HMX1: variants seen among roughly 807,000 people sequenced by gnomAD.
HMX1 encodes the protein homeobox protein HMX1.
A neutral mutation model predicts 8.9 loss-of-function variants in HMX1; 8 were observed. The observed-to-expected ratio is 0.90, with a 90% confidence interval of 0.53 to 1.63. The LOEUF is 1.63. Ranked by LOEUF, HMX1 falls within the 40% of genes most tolerant of loss-of-function variation. HMX1 has a pLI of 0.00. For missense variants in HMX1, 621 were observed against 558.5 expected (o/e 1.11, Z -1.13); for synonymous variants, 311 against 283.4 (o/e 1.10, Z -0.98).
chr4:8,849,467 G>A lies in HMX1; in HGVS notation c.395-3143C>T, dbSNP rs1721376909. Among the ~76,000 whole-genome samples the A allele has an allele frequency of 6.6e-6, 1 of 152,052 alleles. No individual in the cohort carries two copies. Among genetic ancestry groups the A allele is most frequent in the Non-Finnish European group, 1.5e-5 (1 of 68,034 alleles). On this transcript the variant is annotated intron_variant, in intron 1 of 1. Transcript: ENST00000506970. This position sits in a 1 kb window ranked among gnomAD's most constrained non-coding sequence, Gnocchi z 6.6. ...CAGATGCCATCAGAAGCTGGAGGGG[G>A]CAGGAAGGGCTCTCCTCTAGAGCCT...
rs143850739 is a variant in HMX1 at position 8,847,870 on chromosome 4, A to C, written c.395-1546T>G. ...TCGGGGTTGGCTGGAGTGGCTCTGG[A>C]GAGGACCTGAGCTGAGAGCCAGTGG... On this transcript the variant is annotated intron_variant, in intron 1 of 1. Transcript: ENST00000506970. This position sits in a 1 kb window ranked among gnomAD's most constrained non-coding sequence, Gnocchi z 6.0. Among the ~76,000 whole-genome samples the C allele has an allele frequency of 3.0e-3, 463 of 152,312 alleles. 6 individuals are homozygous for C. Among genetic ancestry groups the C allele is most frequent in the African/African-American group, 0.01 (430 of 41,574 alleles).
downstream of HMX1, among the ~76,000 whole-genome samples, chr4:8,863,364 C>G (rs974571226): frequency 6.6e-6 from 1 of 152,234 alleles, no homozygotes; most frequent in African/African-American, 2.4e-5. Flanking sequence ...GAAAGAGAAG[C>G]CCACCCGGCC....
In HMX1 at chr4:8,848,037, G is replaced by C. The variant is rs1042238241; in HGVS notation, c.395-1713C>G. ...ATTTTGAATCTAAAACTCGACACTC[G>C]ATTCAGTTATTGGACAACACTGAAG... On this transcript the variant is annotated intron_variant, in intron 1 of 1. Transcript: ENST00000506970. The surrounding 1 kb of genome is among the most constrained non-coding windows in gnomAD (Gnocchi z 4.1). 6.6e-6 allele frequency among the ~76,000 whole-genome samples: 1 copy of C among 152,176 alleles called. No homozygotes were observed. The highest frequency in any genetic ancestry group is 2.4e-5 in the African/African-American group (1 of 41,452).
chr4:8,851,632 G>A (rs188451989), intron 1 of HMX1, among the ~76,000 whole-genome samples: 18 of 152,304 alleles, frequency 1.2e-4, no homozygotes, highest in East Asian at 1.2e-3. Flanking sequence ...GGATGCCCCC[G>A]AAGGGAAAGA....
Position 8,871,685 on chromosome 4 carries a change from G to A in HMX1, c.-71C>T, listed in dbSNP as rs1722231260. 2.6e-6 allele frequency: 3 copies of A among 1,134,146 alleles called. No homozygotes were observed. Among genetic ancestry groups the A allele is most frequent in the South Asian group, 8.8e-5 (2 of 22,746 alleles). The allele number at this position is 1,134,146 out of a possible 1,614,324, so 70.3% of individuals were successfully genotyped here. On this transcript the variant is annotated 5_prime_UTR_variant, in exon 1 of 2. Coordinates refer to ENST00000400677, the MANE Select transcript of HMX1 (RefSeq NM_018942.3). The surrounding 1 kb of genome is among the most constrained non-coding windows in gnomAD (Gnocchi z 4.8). Reference sequence around the variant, plus strand: ...CTGGGGATGGTGGCGCGCGGCTCCCGGGCGCACGCGCGGGCCGGCCCTGGA... The same window carrying A: ...CTGGGGATGGTGGCGCGCGGCTCCCAGGCGCACGCGCGGGCCGGCCCTGGA...
At chr4:8,863,378 C>T (rs937062449), downstream of HMX1, among the ~76,000 whole-genome samples, 12 of 152,232 alleles carry the variant, frequency 7.9e-5, no homozygotes, top group African/African-American at 1.4e-4. Flanking sequence ...CCCGGCCTCT[C>T]CCGCCTCCCT....
Position 8,848,893 on chromosome 4 carries a change from C to T in HMX1, c.395-2569G>A, listed in dbSNP as rs183515911. ...CTGTGCACCGTGCTCAAAGCCTCAC[C>T]TTCCAACTACAAAGAGAAAAATGTT... is the stretch of plus-strand genomic sequence containing the variant. On this transcript the variant is annotated intron_variant, in intron 1 of 1. Transcript: ENST00000506970. This position sits in a 1 kb window ranked among gnomAD's most constrained non-coding sequence, Gnocchi z 4.1. 1.4e-3 allele frequency among the ~76,000 whole-genome samples: 218 copies of T among 152,342 alleles called. No homozygotes were observed. The highest frequency in any genetic ancestry group is 1.8e-3 in the Non-Finnish European group (120 of 68,038).
downstream of HMX1, among the ~76,000 whole-genome samples, chr4:8,865,353 G>A (rs934693724): frequency 4.6e-5 from 7 of 152,206 alleles, no homozygotes; most frequent in African/African-American, 1.7e-4. Context: ...TCCTCGTGGT[G>A]CGAGTGCCCG....
At chr4:8,852,080 C>T (rs192562866) in intron 1 of HMX1, among the ~76,000 whole-genome samples, 40 of 152,390 alleles carry the variant, frequency 2.6e-4, no homozygotes, top group African/African-American at 7.7e-4. Context: ...CCTGACCCTT[C>T]CAAGCCCCGG....
downstream of HMX1, among the ~76,000 whole-genome samples, chr4:8,866,775 C>A (rs570410104): frequency 1.6e-4 from 25 of 152,354 alleles, no homozygotes; most frequent in East Asian, 4.6e-3. Context: ...CCTGCTCCTG[C>A]CTTTCGGTTT....
chr4:8,859,301 C>T (rs901914060), intron 1 of HMX1, among the ~76,000 whole-genome samples: 1 of 151,996 alleles, frequency 6.6e-6, no homozygotes, highest in Non-Finnish European at 1.5e-5. Flanking sequence ...CTCATAATGT[C>T]AGCACCATCC....
In HMX1 at chr4:8,849,738, C is replaced by G. The variant is rs778426391; in HGVS notation, c.395-3414G>C. Among the ~76,000 whole-genome samples, 12 of 152,206 alleles carry G rather than the reference C, an allele frequency of 7.9e-5. No individual in the cohort carries two copies. Among genetic ancestry groups the G allele is most frequent in the Non-Finnish European group, 1.5e-4 (10 of 68,038 alleles). Reference sequence around the variant, plus strand: ...GGGGTTTTTCTCCCTCTCTTCCAATCCTCTGCCCTTGCTGGGTAGGGCAGG... The same window carrying G: ...GGGGTTTTTCTCCCTCTCTTCCAATGCTCTGCCCTTGCTGGGTAGGGCAGG... On this transcript the variant is annotated intron_variant, in intron 1 of 1. Transcript: ENST00000506970. The surrounding 1 kb of genome is among the most constrained non-coding windows in gnomAD (Gnocchi z 6.6).
chr4:8,860,563 G>A (rs943144175), intron 1 of HMX1: 1 of 152,318 alleles, frequency 6.6e-6, no homozygotes, highest in African/African-American at 2.4e-5. Flanking sequence ...GGGGAGGGAA[G>A]GGCTCGACCC....
Position 8,849,513 on chromosome 4 carries a change from C to T in HMX1, c.395-3189G>A, listed in dbSNP as rs1006392099. On this transcript the variant is annotated intron_variant, in intron 1 of 1. Coordinates refer to the HMX1 transcript ENST00000506970. The surrounding 1 kb of genome is among the most constrained non-coding windows in gnomAD (Gnocchi z 6.6). The stretch of plus-strand genomic sequence containing the variant: ...AGCCTCTGGAGGGGCACAGCCCGAC[C>T]GACGCCTGGGGCTCAGACTTGTGGT... Among the ~76,000 whole-genome samples the T allele has an allele frequency of 2.0e-5, 3 of 152,032 alleles. No homozygotes were observed. Among genetic ancestry groups the T allele is most frequent in the African/African-American group, 7.2e-5 (3 of 41,400 alleles).
In HMX1 at chr4:8,871,332, C is replaced by G. The variant is rs1489967377; in HGVS notation, c.283G>C (p.Gly95Arg). ...CCGGGACCGGGGGGCGGCCGAGGACCGAGGCCCAGCGCGCCCGGCCCGAGC... is the reference window on the plus strand; with the variant it reads ...CCGGGACCGGGGGGCGGCCGAGGACGGAGGCCCAGCGCGCCCGGCCCGAGC... ...ALLGPGALGL[G>R]PRPPPGPGPP... The change falls in exon 1 of 2, where the codon GGT becomes CGT. Residue 95 changes from glycine to arginine, a missense_variant. Coordinates refer to ENST00000400677, the MANE Select transcript of HMX1 (RefSeq NM_018942.3). This position sits in a 1 kb window ranked among gnomAD's most constrained non-coding sequence, Gnocchi z 4.8. 7.6e-7 allele frequency: 1 copy of G among 1,316,706 alleles called. No homozygotes were observed. The highest frequency in any genetic ancestry group is 9.6e-7 in the Non-Finnish European group (1 of 1,038,434). 81.6% of individuals were successfully genotyped at this position (1,316,706 alleles called of 1,614,324 possible). A position where few individuals can be genotyped will look rare whatever the true frequency, so the allele number is the denominator to read the frequency against.
intron 1 of HMX1, among the ~76,000 whole-genome samples, chr4:8,855,018 T>C (rs1721568062): frequency 6.6e-6 from 1 of 152,230 alleles, no homozygotes; most frequent in African/African-American, 2.4e-5. Flanking sequence ...CTAAGTACAG[T>C]GAGTCACCAC....
At chr4:8,850,999 CT>C (rs1232458851) in intron 1 of HMX1, among the ~76,000 whole-genome samples, 2 of 152,266 alleles carry the variant, frequency 1.3e-5, no homozygotes, top group Non-Finnish European at 2.9e-5. Context: ...ATTTCTGGGT[CT>C]TCGTGCCTAG....
At chr4:8,854,629 ACTTTGGG>A (rs1203964273) in intron 1 of HMX1, among the ~76,000 whole-genome samples, 4 of 152,224 alleles carry the variant, frequency 2.6e-5, no homozygotes, top group Middle Eastern at 3.4e-3. Flanking sequence ...TGCACTACAA[ACTTTGGG>A]CTTGCCAGAC....
chr4:8,858,560 G>A (rs1018501153), intron 1 of HMX1, among the ~76,000 whole-genome samples: 2 of 152,162 alleles, frequency 1.3e-5, no homozygotes, highest in Non-Finnish European at 2.9e-5. Context: ...AGAGGTGCCA[G>A]CCCCTACCTT....
Sources: gnomAD v4.1 joint callset for allele counts (sites outside exome capture counted in the v4.1 genomes callset) on GRCh38, gnomAD v4.1.1 for gene constraint, Gnocchi (gnomAD v3.1) non-coding constraint, MANE v1.5 for transcripts, NCBI Gene and HGNC (gene_info 2026-07-23, HGNC 2026-07-21) for gene names.